ZFAT: variants seen among roughly 807,000 people sequenced by gnomAD.
ZFAT encodes the protein zinc finger and AT-hook domain containing, also known as zinc finger protein ZFAT.
Under a neutral mutation model 117.7 loss-of-function variants are expected in ZFAT, and 64 were observed. That is an observed-to-expected ratio of 0.54 (90% CI 0.44 to 0.67). The LOEUF (loss-of-function observed/expected upper bound fraction) is 0.67, where lower values mean the gene tolerates loss of function less well. ZFAT is among the 30% of genes least tolerant of loss of function. The pLI is 0.00. For synonymous variants in ZFAT, 679 were observed against 615.0 expected (o/e 1.10, Z -1.54); for missense variants, 1,433 against 1,584.5 (o/e 0.90, Z 1.62).
intron 1 of ZFAT, among the ~76,000 whole-genome samples, chr8:134,684,228 T>C (rs569738292): frequency 1.3e-5 from 2 of 152,284 alleles, no homozygotes; most frequent in South Asian, 4.1e-4. Flanking sequence ...GTGCCTGGCT[T>C]GGGTAAGTGG....
intron 15 of ZFAT, among the ~76,000 whole-genome samples, chr8:134,492,859 A>AT (rs1554629905): frequency 6.6e-6 from 1 of 152,222 alleles, no homozygotes; most frequent in Non-Finnish European, 1.5e-5. Context: ...TGAGGGGGCA[A>AT]TATGTGCAAG....
At chr8:134,681,839 T>A (rs1833084613) in intron 1 of ZFAT, among the ~76,000 whole-genome samples, 1 of 152,214 alleles carries the variant, frequency 6.6e-6, no homozygotes, top group African/African-American at 2.4e-5. Flanking sequence ...AATGGAAATA[T>A]TTTAACAACA....
At chr8:134,593,925 G>A (rs569022142) in intron 7 of ZFAT, among the ~76,000 whole-genome samples, 5 of 152,334 alleles carry the variant, frequency 3.3e-5, no homozygotes, top group Admixed American at 1.3e-4. Context: ...GTCAACACGT[G>A]GAACCCAACC....
chr8:134,613,701 A>G (rs1283746637), intron 3 of ZFAT, among the ~76,000 whole-genome samples: 1 of 152,198 alleles, frequency 6.6e-6, no homozygotes, highest in Non-Finnish European at 1.5e-5. Context: ...ACAGGACCCA[A>G]GCCTGGCCAA....
intron 11 of ZFAT, among the ~76,000 whole-genome samples, chr8:134,541,891 G>A (rs1390250335): frequency 2.0e-5 from 3 of 152,218 alleles, no homozygotes; most frequent in Non-Finnish European, 4.4e-5. Context: ...GTCAGGAACT[G>A]GAGGTGGCTG....
chr8:134,535,233 T>A (rs1299808600), intron 11 of ZFAT, among the ~76,000 whole-genome samples: 9 of 152,214 alleles, frequency 5.9e-5, no homozygotes, highest in East Asian at 1.9e-4. Flanking sequence ...GATTGGTGGA[T>A]CTATATGTTT....
intron 2 of ZFAT, among the ~76,000 whole-genome samples, chr8:134,649,546 G>GT (rs2077000808): frequency 6.6e-6 from 1 of 152,080 alleles, no homozygotes; most frequent in Admixed American, 6.5e-5. Context: ...AATAACAGTT[G>GT]TATTTATAAA....
intron 15 of ZFAT, among the ~76,000 whole-genome samples, chr8:134,503,951 C>CAT (rs1819191788): frequency 6.6e-6 from 1 of 152,026 alleles, no homozygotes; most frequent in South Asian, 2.1e-4. Flanking sequence ...CACACGAACA[C>CAT]ACACACACCC....
intron 3 of ZFAT, among the ~76,000 whole-genome samples, chr8:134,618,469 G>C (rs1361529139): frequency 6.6e-6 from 1 of 152,124 alleles, no homozygotes; most frequent in Non-Finnish European, 1.5e-5. Context: ...GGCTGCTTGT[G>C]ACTAGGGAGG....
intron 12 of ZFAT, among the ~76,000 whole-genome samples, chr8:134,530,454 T>C (rs1477229543): frequency 6.6e-6 from 1 of 152,220 alleles, no homozygotes; most frequent in Non-Finnish European, 1.5e-5. Flanking sequence ...ATAAGAACAA[T>C]GTGAACTTTG....
the ZFAT span, among the ~76,000 whole-genome samples, chr8:134,748,893 T>G: frequency 1.3e-5 from 2 of 149,108 alleles, no homozygotes; most frequent in Admixed American, 6.7e-5. Context: ...TCTTTGCCTA[T>G]TTTTTTTCCT....
the ZFAT span, among the ~76,000 whole-genome samples, chr8:134,805,238 T>C: frequency 7.6e-6 from 1 of 130,896 alleles, no homozygotes; most frequent in Non-Finnish European, 1.7e-5. Flanking sequence ...TTCCAACATA[T>C]GCAAAAATAA....
At chr8:134,619,037 T>C (rs1187444199) in intron 3 of ZFAT, among the ~76,000 whole-genome samples, 2 of 152,202 alleles carry the variant, frequency 1.3e-5, no homozygotes, top group East Asian at 1.9e-4. Flanking sequence ...TAGGAAAAGT[T>C]TGTGTTGTTA....
Position 134,588,298 on chromosome 8 carries a change from A to G in ZFAT, c.2661T>C (p.Phe887=). ...KRAMKCPYCD[F]YFMKNGSDLQ... is the part of the protein sequence containing the mutation. ...GGTCTGAGCCATTCTTCATGAAATA[A>G]AAGTCACAATATGGGCATTTCATGG... is the stretch of plus-strand genomic sequence containing the variant. The change falls in exon 9 of 16, where the codon TTT becomes TTC. Residue 887 remains phenylalanine (F), a synonymous_variant. Coordinates refer to ENST00000377838, the MANE Select transcript of ZFAT (RefSeq NM_020863.4). 6.3e-7 allele frequency: 1 copy of G among 1,580,010 alleles called. No homozygotes were observed. Among genetic ancestry groups the G allele is most frequent in the Non-Finnish European group, 8.6e-7 (1 of 1,161,454 alleles).
chr8:134,551,232 C>G (rs1823144334), intron 11 of ZFAT, among the ~76,000 whole-genome samples: 1 of 152,164 alleles, frequency 6.6e-6, no homozygotes, highest in African/African-American at 2.4e-5. Flanking sequence ...ATCAAAATCC[C>G]AACTCTAGCT....
At chr8:134,688,166 G>T (rs190585938) in intron 1 of ZFAT, among the ~76,000 whole-genome samples, 1 of 152,346 alleles carries the variant, frequency 6.6e-6, no homozygotes, top group Non-Finnish European at 1.5e-5. Context: ...GACTGCTAAA[G>T]ATGGTGTCGA....
chr8:134,522,302 A>T (rs1171864183), intron 12 of ZFAT, among the ~76,000 whole-genome samples: 1 of 152,088 alleles, frequency 6.6e-6, no homozygotes, highest in Non-Finnish European at 1.5e-5. Context: ...GGCCCTCTCC[A>T]CTTAAATACT....
chr8:134,756,607 C>A, the ZFAT span, among the ~76,000 whole-genome samples: 1 of 152,274 alleles, frequency 6.6e-6, no homozygotes, highest in Admixed American at 6.5e-5. Context: ...GGGCACACTG[C>A]CTGCCGATTT....
intron 1 of ZFAT, among the ~76,000 whole-genome samples, chr8:134,689,078 TGGC>T (rs1336091898): frequency 1.2e-4 from 18 of 152,162 alleles, no homozygotes; most frequent in Admixed American, 1.2e-3. Flanking sequence ...GACTGAAGAC[TGGC>T]CAGAACTGGG....
Sources: gnomAD v4.1 joint callset for allele counts (sites outside exome capture counted in the v4.1 genomes callset) on GRCh38, gnomAD v4.1.1 for gene constraint, MANE v1.5 for transcripts, NCBI Gene and HGNC (gene_info 2026-07-23, HGNC 2026-07-21) for gene names.